Variants in LRRC4C observed in about 807,000 individuals in gnomAD.
The protein encoded by LRRC4C is leucine-rich repeat-containing protein 4C.
LRRC4C carries 5 observed loss-of-function variants against 33.6 expected under a neutral mutation model. The observed-to-expected ratio is 0.15, with a 90% CI of 0.08 to 0.31. The LOEUF is 0.31. Ranked by LOEUF, LRRC4C falls within the 10% of genes least tolerant of loss-of-function variation. LRRC4C has a pLI of 1.00. For synonymous variants in LRRC4C, 329 were observed against 302.0 expected, an observed-to-expected ratio of 1.09 and a Z score of -0.93; for missense variants, 560 against 796.7, an observed-to-expected ratio of 0.70 and a Z score of 3.58.
At chr11:40,555,212 T>C (rs1458286668) in intron 3 of LRRC4C, among the ~76,000 whole-genome samples, 1 of 152,156 alleles carries the variant, frequency 6.6e-6, no homozygotes, top group African/African-American at 2.4e-5. Context: ...TAATTTTCCT[T>C]CCTTTTTCTA....
At chr11:40,718,033 G>A (rs749378275) in intron 2 of LRRC4C, among the ~76,000 whole-genome samples, 45 of 152,294 alleles carry the variant, frequency 3.0e-4, no homozygotes, top group Admixed American at 1.4e-3. Context: ...TGAATGTTCA[G>A]ATTAGATAAA....
chr11:41,047,350 C>A (rs12224794), intron 1 of LRRC4C, among the ~76,000 whole-genome samples: 59,138 of 151,806 alleles, frequency 0.39, 12,531 homozygotes, highest in East Asian at 0.54. Context: ...TAGATAATAA[C>A]AAATGTTAGC....
At chr11:41,095,114 C>T (rs201693131) in intron 1 of LRRC4C, among the ~76,000 whole-genome samples, 20 of 152,254 alleles carry the variant, frequency 1.3e-4, no homozygotes, top group East Asian at 5.8e-4. Flanking sequence ...CACAGTTCTG[C>T]ATAGCTGGGA....
At chr11:41,258,746 A>G (rs1383836239) in intron 1 of LRRC4C, among the ~76,000 whole-genome samples, 1 of 152,016 alleles carries the variant, frequency 6.6e-6, no homozygotes, top group African/African-American at 2.4e-5. Context: ...CATTTTTACT[A>G]ATGAACAGCA....
At chr11:41,293,686 C>T (rs185059752) in intron 1 of LRRC4C, among the ~76,000 whole-genome samples, 65 of 152,116 alleles carry the variant, frequency 4.3e-4, no homozygotes, top group African/African-American at 1.5e-3. Context: ...CTAACTCTGC[C>T]TCCTGGGTTC....
chr11:40,509,325 G>A (rs1245916644), intron 3 of LRRC4C, among the ~76,000 whole-genome samples: 2 of 152,084 alleles, frequency 1.3e-5, no homozygotes, highest in African/African-American at 4.8e-5. Flanking sequence ...AGTTTAATAG[G>A]AAAGCTTGAA....
At chr11:40,912,590 C>T (rs1197920272) in intron 2 of LRRC4C, among the ~76,000 whole-genome samples, 4 of 145,736 alleles carry the variant, frequency 2.7e-5, no homozygotes, top group Admixed American at 7.0e-5. Flanking sequence ...CACTGCAAAA[C>T]CATGCCAAAT....
intron 1 of LRRC4C, among the ~76,000 whole-genome samples, chr11:41,124,689 T>C (rs1942651500): frequency 6.6e-6 from 1 of 152,194 alleles, no homozygotes; most frequent in Non-Finnish European, 1.5e-5. Flanking sequence ...AAAATGTCAT[T>C]TCTACGTTAA....
At chr11:40,491,974 A>G (rs1298196474) in intron 3 of LRRC4C, among the ~76,000 whole-genome samples, 2 of 152,154 alleles carry the variant, frequency 1.3e-5, no homozygotes, top group Admixed American at 1.3e-4. Flanking sequence ...GTTTAATATT[A>G]CCCAAAGGAG....
At position 40,116,152 on chromosome 11, in the gene LRRC4C, G is replaced by A. The variant is rs1312696171; in HGVS notation, c.141C>T (p.Cys47=). 1 of 1,613,750 alleles carries A rather than the reference G, an allele frequency of 6.2e-7. No individual in the cohort carries two copies. The highest frequency in any genetic ancestry group is 1.3e-5 in the African/African-American group (1 of 74,850). ...GGTTGCTGCAGGAGCACACAGAAGG[G>A]CAGGTCTGAGCCCGCACCAGACCAG... ...VVAGLVRAQT[C]PSVCSCSNQF... The change falls in exon 7 of 7, where the codon TGC becomes TGT. Residue 47 remains cysteine (C), a synonymous_variant. Coordinates refer to ENST00000528697, the MANE Select transcript of LRRC4C (RefSeq NM_001258419.2).
chr11:40,636,728 C>T (rs1039368964), intron 3 of LRRC4C, among the ~76,000 whole-genome samples: 2 of 152,166 alleles, frequency 1.3e-5, no homozygotes, highest in African/African-American at 4.8e-5. Flanking sequence ...GATCTCATGA[C>T]TGGCCACATG....
intron 3 of LRRC4C, among the ~76,000 whole-genome samples, chr11:40,340,641 A>G (rs1946826799): frequency 6.6e-6 from 1 of 152,194 alleles, no homozygotes; most frequent in African/African-American, 2.4e-5. Context: ...TTACAATTCT[A>G]CAATATAGGA....
At chr11:40,396,124 C>G (rs570880382) in intron 3 of LRRC4C, among the ~76,000 whole-genome samples, 1 of 152,258 alleles carries the variant, frequency 6.6e-6, no homozygotes, top group Admixed American at 6.5e-5. Flanking sequence ...ACATTGTCTA[C>G]AGGGTGGTCC....
chr11:40,422,222 C>T (rs1434474451), intron 3 of LRRC4C, among the ~76,000 whole-genome samples: 1 of 152,054 alleles, frequency 6.6e-6, no homozygotes, highest in Admixed American at 6.6e-5. Flanking sequence ...ATGAAGTGTT[C>T]CAGTAACACG....
rs1439959094 is a variant in LRRC4C at position 40,140,858 on chromosome 11, A to T, written c.-95-5T>A. 1 of 146,758 alleles carries T rather than the reference A, an allele frequency of 6.8e-6. No individual in the cohort carries two copies. Among genetic ancestry groups the T allele is most frequent in the African/African-American group, 2.5e-5 (1 of 40,424 alleles). The allele number at this position is 146,758 out of a possible 1,614,324, so 9.1% of individuals were successfully genotyped here. ...GTAGGCAGTGCGTTTGCCAATCTAA[A>T]AAAAAAAAAAAAAGAAAAGAAAAGA... On this transcript the variant is annotated splice_region_variant and splice_polypyrimidine_tract_variant and intron_variant, in intron 5 of 6. Coordinates refer to ENST00000528697, the MANE Select transcript of LRRC4C (RefSeq NM_001258419.2).
At chr11:41,268,414 A>T (rs571331930) in intron 1 of LRRC4C, among the ~76,000 whole-genome samples, 1 of 152,288 alleles carries the variant, frequency 6.6e-6, no homozygotes, top group African/African-American at 2.4e-5. Context: ...GTATTAAGAC[A>T]TCGGCTCTGT....
At chr11:40,806,184 G>A (rs1217703470) in intron 2 of LRRC4C, among the ~76,000 whole-genome samples, 1 of 152,124 alleles carries the variant, frequency 6.6e-6, no homozygotes, top group Non-Finnish European at 1.5e-5. Flanking sequence ...AAAAAATTTA[G>A]GCCACTTGAA....
intron 4 of LRRC4C, among the ~76,000 whole-genome samples, chr11:40,295,207 T>C (rs1201511925): frequency 1.3e-5 from 2 of 152,222 alleles, no homozygotes; most frequent in African/African-American, 2.4e-5. Context: ...TTCTCCAATG[T>C]ATAATTTTCA....
chr11:40,961,428 G>T (rs1406359660), intron 1 of LRRC4C, among the ~76,000 whole-genome samples: 1 of 151,676 alleles, frequency 6.6e-6, no homozygotes, highest in East Asian at 1.9e-4. Context: ...AGGCTTCAGA[G>T]TCCCTGAAAT....
Sources: allele counts gnomAD v4.1 joint callset (sites outside exome capture counted in the v4.1 genomes callset), GRCh38; gene constraint gnomAD v4.1.1; transcripts MANE v1.5; gene names NCBI Gene and HGNC (gene_info 2026-07-23, HGNC 2026-07-21).